Variants in TNRC6B observed in about 807,000 individuals in gnomAD.
TNRC6B encodes the protein trinucleotide repeat-containing gene 6B protein.
Under a neutral mutation model 203.6 loss-of-function variants are expected in TNRC6B, and 52 were observed. The ratio of observed to expected loss-of-function variants is 0.26; its 90% CI spans 0.20 to 0.32. TNRC6B has a LOEUF of 0.32. Ranked by LOEUF, TNRC6B falls within the 10% of genes least tolerant of loss-of-function variation. TNRC6B has a pLI of 1.00. For missense variants in TNRC6B, 1,923 were observed against 2,286.2 expected (o/e 0.84, Z 3.24); for synonymous variants, 838 against 845.7 (o/e 0.99, Z 0.16).
intron 6 of TNRC6B, among the ~76,000 whole-genome samples, chr22:40,272,310 G>A (rs959335010): frequency 6.6e-6 from 1 of 152,144 alleles, no homozygotes; most frequent in Non-Finnish European, 1.5e-5. Context: ...CTTGCTAGGG[G>A]ATGAGATGCT....
At chr22:40,190,554 C>T (rs915478834) in intron 1 of TNRC6B, among the ~76,000 whole-genome samples, 7 of 152,164 alleles carry the variant, frequency 4.6e-5, no homozygotes, top group Non-Finnish European at 1.5e-5. Context: ...TGACAAAGAC[C>T]TTAAATCTGG....
intron 2 of TNRC6B, among the ~76,000 whole-genome samples, chr22:40,247,283 A>T (rs2070122056): frequency 6.6e-6 from 1 of 152,166 alleles, no homozygotes; most frequent in Admixed American, 6.5e-5. Context: ...GGTGCTAGTT[A>T]ATTGAAGCTA....
chr22:40,075,896 A>G (rs2068009190), intron 1 of TNRC6B, among the ~76,000 whole-genome samples: 2 of 152,152 alleles, frequency 1.3e-5, no homozygotes, highest in African/African-American at 4.8e-5. Flanking sequence ...TCATTTTCCC[A>G]TTATATCTTT....
At chr22:40,169,135 T>TTC (rs1175408201) in intron 4 of TNRC6B, among the ~76,000 whole-genome samples, 1 of 148,248 alleles carries the variant, frequency 6.7e-6, no homozygotes, top group Non-Finnish European at 1.5e-5. Flanking sequence ...ATCTTCTTTT[T>TTC]TTTTTTTTTT....
intron 7 of TNRC6B, among the ~76,000 whole-genome samples, chr22:40,274,652 C>T (rs2070613132): frequency 6.6e-6 from 1 of 152,140 alleles, no homozygotes. Context: ...GATCTCCTGA[C>T]CTCGTGATCC....
At chr22:40,273,650 G>T in intron 7 of TNRC6B, 50 bp downstream of exon 7, 1 of 1,486,752 alleles carries the variant, frequency 6.7e-7, no homozygotes, top group Non-Finnish European at 9.0e-7. Context: ...TGAGAAGGCA[G>T]AACTGAGGTT....
intron 5 of TNRC6B, among the ~76,000 whole-genome samples, chr22:40,268,929 A>AATG (rs2070519035): frequency 6.7e-6 from 1 of 150,006 alleles, no homozygotes; most frequent in Non-Finnish European, 1.5e-5. Context: ...TAATAATAAT[A>AATG]ATAATAATAA....
At chr22:40,058,962 AC>A (rs2067824354) in intron 1 of TNRC6B, among the ~76,000 whole-genome samples, 1 of 152,094 alleles carries the variant, frequency 6.6e-6, no homozygotes, top group Non-Finnish European at 1.5e-5. Context: ...TTTCCTACGT[AC>A]TATTTTCTTT....
intron 1 of TNRC6B, among the ~76,000 whole-genome samples, chr22:40,190,581 G>T (rs1569014242): frequency 6.6e-6 from 1 of 152,118 alleles, no homozygotes; most frequent in Non-Finnish European, 1.5e-5. Flanking sequence ...CACATCAAAT[G>T]TCCCTTCTGT....
At chr22:40,056,832 T>A in intron 1 of TNRC6B, among the ~76,000 whole-genome samples, 1 of 149,414 alleles carries the variant, frequency 6.7e-6, no homozygotes. Flanking sequence ...AAATCTATAA[T>A]CTATTAAAAG....
chr22:40,047,945 G>C (rs906894659), intron 1 of TNRC6B, among the ~76,000 whole-genome samples: 1 of 141,574 alleles, frequency 7.1e-6, no homozygotes, highest in Non-Finnish European at 1.6e-5. Context: ...ATTCATTTTA[G>C]TCGTTGAATT....
chr22:40,265,008 A>G lies in TNRC6B; in HGVS notation c.778A>G (p.Lys260Glu). ...SGNECNLGVW[K>E]SDPKAKSVQS... The stretch of plus-strand genomic sequence containing the variant: ...GAACGAATGTAATCTTGGGGTCTGG[A>G]AATCTGACCCTAAGGCTAAATCTGT... Residue 260 changes from lysine (K) to glutamate (E), a missense_variant, in exon 5 of 23, where the codon AAA (lysine) becomes GAA (glutamate). By Grantham distance (56) the Lys-to-Glu change is moderately conservative (BLOSUM62 1). Transcript: ENST00000454349. The G allele has an allele frequency of 6.2e-7, 1 of 1,614,010 alleles. No individual in the cohort carries two copies. Among genetic ancestry groups the G allele is most frequent in the Non-Finnish European group, 8.5e-7 (1 of 1,179,894 alleles).
intron 1 of TNRC6B, among the ~76,000 whole-genome samples, chr22:40,214,817 G>T (rs1029793439): frequency 6.6e-6 from 1 of 152,152 alleles, no homozygotes; most frequent in African/African-American, 2.4e-5. Context: ...GCCTCCCAAA[G>T]TGCTGAGATT....
chr22:40,300,802 A>G (rs1227346128), intron 13 of TNRC6B, 108 bp from the exon 14 acceptor site: 13 of 1,246,904 alleles, frequency 1.0e-5, no homozygotes, highest in South Asian at 4.4e-5. Flanking sequence ...TCCCTCCTGG[A>G]TACTTTTGAT....
intron 2 of TNRC6B, among the ~76,000 whole-genome samples, chr22:40,121,347 C>G (rs1829419065): frequency 6.6e-6 from 1 of 152,074 alleles, no homozygotes; most frequent in African/African-American, 2.4e-5. Context: ...AAAAACTTCA[C>G]TGGTTTTGTA....
chr22:40,055,993 GGA>G (rs1417805267), intron 1 of TNRC6B, among the ~76,000 whole-genome samples: 1 of 152,154 alleles, frequency 6.6e-6, no homozygotes, highest in Admixed American at 6.5e-5. Flanking sequence ...TTTGAAAAAG[GGA>G]GATTAATTGG....
chr22:40,086,505 T>C (rs2068100688), intron 1 of TNRC6B, among the ~76,000 whole-genome samples: 1 of 152,218 alleles, frequency 6.6e-6, no homozygotes, highest in Non-Finnish European at 1.5e-5. Flanking sequence ...ATGATATGTT[T>C]AGGTTCATCT....
rs1027197234 is a variant in TNRC6B, at chr22:40,323,939, G to A, written c.*698G>A. ...TGCATCCTTCTCTGTCTCTGTGTGT[G>A]TGCCTGTGTTCTTCCCTTCTCCCCT... On this transcript the variant is annotated 3_prime_UTR_variant, in exon 23 of 23. Coordinates refer to ENST00000454349, the MANE Select transcript of TNRC6B (RefSeq NM_001162501.2). 2.6e-5 allele frequency: 4 copies of A among 152,480 alleles called. No homozygotes were observed. Among genetic ancestry groups the A allele is most frequent in the Non-Finnish European group, 5.9e-5 (4 of 68,174 alleles). The allele number at this position is 152,480 out of a possible 1,614,324, so 9.4% of individuals were successfully genotyped here. A position where few individuals can be genotyped will look rare whatever the true frequency, so the allele number is the denominator to read the frequency against.
intron 3 of TNRC6B, among the ~76,000 whole-genome samples, chr22:40,130,193 T>A (rs931968073): frequency 6.6e-6 from 1 of 152,180 alleles, no homozygotes; most frequent in Non-Finnish European, 1.5e-5. Context: ...CAGAGTGCAG[T>A]TAGAAAAAGG....
Sources: allele counts gnomAD v4.1 joint callset (sites outside exome capture counted in the v4.1 genomes callset), GRCh38; gene constraint gnomAD v4.1.1; transcripts MANE v1.5; gene names NCBI Gene and HGNC (gene_info 2026-07-23, HGNC 2026-07-21).